The following BCR variants were observed in gnomAD, a reference collection of about 807,000 sequenced individuals.
The protein encoded by BCR is breakpoint cluster region protein.
A neutral mutation model predicts 138.6 loss-of-function variants in BCR; 58 were observed. The ratio of observed to expected loss-of-function variants is 0.42; its 90% CI spans 0.34 to 0.52. The LOEUF (loss-of-function observed/expected upper bound fraction) is 0.52. Ranked by LOEUF, BCR falls within the 20% of genes least tolerant of loss-of-function variation. The pLI is 0.06. For missense variants in BCR, 1,599 were observed against 1,727.2 expected (o/e 0.93, Z 1.32); for synonymous variants, 786 against 730.1 (o/e 1.08, Z -1.23).
At chr22:23,313,679 A>T (rs1323728689) in intron 20 of BCR, among the ~76,000 whole-genome samples, 1 of 152,022 alleles carries the variant, frequency 6.6e-6, no homozygotes, top group Non-Finnish European at 1.5e-5. Flanking sequence ...TGGTGGCAGG[A>T]GTTGTCCAAG....
chr22:23,246,892 C>A (rs1362977925), intron 1 of BCR, among the ~76,000 whole-genome samples: 2 of 151,832 alleles, frequency 1.3e-5, no homozygotes, highest in Admixed American at 6.6e-5. Flanking sequence ...GCTTCGGAGC[C>A]CCCAAGATCC....
chr22:23,262,975 G>A (rs1602077947), intron 4 of BCR: 1 of 928,468 alleles, frequency 1.1e-6, no homozygotes, highest in African/African-American at 1.7e-5. Flanking sequence ...ATCATCAAAG[G>A]AGATGAGGGG....
At chr22:23,287,800 C>G (rs958576845) in intron 11 of BCR, among the ~76,000 whole-genome samples, 2 of 152,212 alleles carry the variant, frequency 1.3e-5, no homozygotes, top group Non-Finnish European at 2.9e-5. Context: ...GATCAACGTT[C>G]ACCTCTGCAG....
At chr22:23,205,642 A>ATTT (rs112193385) in intron 1 of BCR, among the ~76,000 whole-genome samples, 61 of 144,084 alleles carry the variant, frequency 4.2e-4, no homozygotes, top group East Asian at 3.6e-3. Flanking sequence ...TGAACCAATA[A>ATTT]TTTTTTTTTT....
chr22:23,294,600 A>G (rs1329593067), intron 15 of BCR, among the ~76,000 whole-genome samples: 1 of 152,182 alleles, frequency 6.6e-6, no homozygotes, highest in African/African-American at 2.4e-5. Context: ...GGGTTTCGCC[A>G]TGTTGGCTAG....
intron 5 of BCR, among the ~76,000 whole-genome samples, chr22:23,269,051 G>T (rs889129063): frequency 2.0e-5 from 3 of 152,230 alleles, no homozygotes; most frequent in Non-Finnish European, 4.4e-5. Flanking sequence ...GGTCTGAGAG[G>T]CTGCTGACTC....
intron 12 of BCR, among the ~76,000 whole-genome samples, chr22:23,288,665 T>A (rs2073746570): frequency 6.6e-6 from 1 of 152,142 alleles, no homozygotes; most frequent in African/African-American, 2.4e-5. Flanking sequence ...TGGGCCCACT[T>A]GGGCATTCAC....
rs2073767998 is a variant in BCR at position 23,290,078 on chromosome 22, G to A, written c.2708-261G>A. 5 of 556,606 alleles carry A rather than the reference G, an allele frequency of 9.0e-6. No individual in the cohort carries two copies. In the South Asian group the frequency reaches 9.9e-5, roughly 11 times the overall value. 34.5% of individuals were successfully genotyped at this position (556,606 alleles called of 1,614,324 possible). A position where few individuals can be genotyped will look rare whatever the true frequency, so the allele number is the denominator to read the frequency against. On this transcript the variant is annotated intron_variant, in intron 13 of 22. Coordinates refer to ENST00000305877, the MANE Select transcript of BCR (RefSeq NM_004327.4). ...CCCCACCCACATCCCACATCACCCC[G>A]ACCCCCTCTGCTGTCCTTGGAACCT...
intron 4 of BCR, chr22:23,262,202 G>T (rs779975226): frequency 1.3e-5 from 2 of 152,422 alleles, no homozygotes; most frequent in Non-Finnish European, 2.9e-5. Context: ...CTAGGGGCAG[G>T]TGTGGCCAGA....
At chr22:23,201,698 G>A (rs181081133) in intron 1 of BCR, among the ~76,000 whole-genome samples, 15 of 152,216 alleles carry the variant, frequency 9.9e-5, no homozygotes, top group East Asian at 1.9e-4. Flanking sequence ...CTTGTGATCC[G>A]CCCTCCTCGG....
chr22:23,291,888 G>C (rs754180184), intron 14 of BCR, among the ~76,000 whole-genome samples: 2 of 152,106 alleles, frequency 1.3e-5, no homozygotes, highest in Non-Finnish European at 1.5e-5. Context: ...TTGTAGCTCT[G>C]GATATCCCTG....
At chr22:23,223,781 A>C (rs5996502) in intron 1 of BCR, among the ~76,000 whole-genome samples, 5,061 of 152,184 alleles carry the variant, frequency 0.033, 262 homozygotes, top group African/African-American at 0.11. Context: ...TGGTTTTCAC[A>C]CCGCCTCTCC....
chr22:23,190,638 G>A (rs2072401595), intron 1 of BCR, among the ~76,000 whole-genome samples: 1 of 152,154 alleles, frequency 6.6e-6, no homozygotes, highest in South Asian at 2.1e-4. Context: ...GGTTTAGTTC[G>A]TAACACTTGG....
intron 5 of BCR, 50 bp from the exon 6 acceptor site, chr22:23,271,482 A>G: frequency 6.3e-7 from 1 of 1,590,100 alleles, no homozygotes; most frequent in Non-Finnish European, 8.6e-7. Flanking sequence ...TGTCTGCATC[A>G]TCAAAGCTGC....
At chr22:23,183,897 T>A (rs1357606814) in intron 1 of BCR, among the ~76,000 whole-genome samples, 1 of 152,080 alleles carries the variant, frequency 6.6e-6, no homozygotes, top group African/African-American at 2.4e-5. Flanking sequence ...TAAATGAATA[T>A]AGGAATTATT....
intron 4 of BCR, among the ~76,000 whole-genome samples, chr22:23,265,453 C>T (rs1006535522): frequency 7.2e-5 from 11 of 152,212 alleles, no homozygotes; most frequent in African/African-American, 2.4e-4. Flanking sequence ...AAGGAGCTTG[C>T]AGTGCCCTTC....
chr22:23,306,477 C>T (rs1183793412), intron 16 of BCR, among the ~76,000 whole-genome samples: 1 of 152,236 alleles, frequency 6.6e-6, no homozygotes, highest in Non-Finnish European at 1.5e-5. Flanking sequence ...GGCAGGCTGA[C>T]CAGTCATACT....
At chr22:23,213,508 G>A (rs1034822685) in intron 1 of BCR, among the ~76,000 whole-genome samples, 4 of 152,340 alleles carry the variant, frequency 2.6e-5, no homozygotes, top group South Asian at 4.1e-4. Context: ...AAGGCACACC[G>A]TGAGTGGATG....
rs1229109182 is a variant in BCR at position 23,182,161 on chromosome 22, G to A, written c.1201G>A (p.Glu401Lys). Residue 401 changes from glutamate to lysine, a missense_variant, in exon 1 of 23, where the codon GAG (glutamate) becomes AAG (lysine). Coordinates refer to ENST00000305877, the MANE Select transcript of BCR (RefSeq NM_004327.4). ...RHRHCPVVVS[E>K]ATIVGVRKTG... ...CCGGCACTGCCCGGTTGTCGTGTCC[G>A]AGGCCACCATCGTGGGCGTCCGCAA... 6.2e-7 allele frequency: 1 copy of A among 1,607,366 alleles called. No homozygotes were observed. The highest frequency in any genetic ancestry group is 8.5e-7 in the Non-Finnish European group (1 of 1,179,504).
Sources: allele counts gnomAD v4.1 joint callset (sites outside exome capture counted in the v4.1 genomes callset), GRCh38; gene constraint gnomAD v4.1.1; transcripts MANE v1.5; gene names NCBI Gene and HGNC (gene_info 2026-07-23, HGNC 2026-07-21).